Variants in DGKH observed in about 807,000 individuals in gnomAD.
DGKH encodes diacylglycerol kinase eta.
DGKH carries 90 observed loss-of-function variants against 159.3 expected under a neutral mutation model. The observed-to-expected ratio is 0.57, with a 90% confidence interval of 0.48 to 0.67. The LOEUF (loss-of-function observed/expected upper bound fraction) is 0.67. Among genes scored for constraint, DGKH ranks in the 30% least tolerant of loss-of-function variants. DGKH has a pLI of 0.00. For synonymous variants in DGKH, 536 were observed against 553.8 expected (o/e 0.97, Z 0.45); for missense variants, 1,181 against 1,506.1 (o/e 0.78, Z 3.57).
intron 7 of DGKH, 49 bp from the exon 8 acceptor site, chr13:42,165,282 G>T: frequency 2.0e-6 from 2 of 1,022,620 alleles, no homozygotes; most frequent in South Asian, 2.0e-5. Context: ...ATTTATAATG[G>T]CAGAACATTA....
chr13:42,095,156 C>CTTTTGTTTTT (rs1954498442), intron 1 of DGKH, among the ~76,000 whole-genome samples: 1 of 76,802 alleles, frequency 1.3e-5, no homozygotes, highest in Non-Finnish European at 2.3e-5. Flanking sequence ...ATGTTGACTC[C>CTTTTGTTTTT]TTTTTTTTTT....
chr13:42,069,089 A>G, intron 1 of DGKH: 1 of 1,409,250 alleles, frequency 7.1e-7, no homozygotes, highest in South Asian at 1.2e-5. Flanking sequence ...CTGCTTATTA[A>G]AGAGGAACTC....
At position 42,210,584 on chromosome 13, in the gene DGKH, A is replaced by C. The variant is rs1957628864; in HGVS notation, c.2851-18A>C. The C allele has an allele frequency of 6.2e-7, 1 of 1,608,250 alleles. No homozygotes were observed. Among genetic ancestry groups the C allele is most frequent in the East Asian group, 2.2e-5 (1 of 44,838 alleles). ...GAGTTCTAAACTAACAATTCGTTACAATATTGACTTTAAATAGGCCTTTGA... is the reference window on the plus strand; with the variant it reads ...GAGTTCTAAACTAACAATTCGTTACCATATTGACTTTAAATAGGCCTTTGA... On this transcript the variant is annotated intron_variant, in intron 23 of 29. Transcript: ENST00000337343.
At chr13:42,070,920 A>G in intron 1 of DGKH, 1 of 1,272,992 alleles carries the variant, frequency 7.9e-7, no homozygotes, top group Non-Finnish European at 1.1e-6. Context: ...CATGTTTGAC[A>G]CTCTGGGGAT....
At chr13:42,201,453 T>C (rs1957345116) in intron 20 of DGKH, among the ~76,000 whole-genome samples, 1 of 152,148 alleles carries the variant, frequency 6.6e-6, no homozygotes, top group Non-Finnish European at 1.5e-5. Context: ...TCTTTAAGGG[T>C]TGAAAAACTG....
At chr13:42,087,416 A>G (rs1278528295) in intron 1 of DGKH, among the ~76,000 whole-genome samples, 1 of 152,224 alleles carries the variant, frequency 6.6e-6, no homozygotes, top group African/African-American at 2.4e-5. Flanking sequence ...CACACATACA[A>G]AAGCTGGAAA....
chr13:42,101,308 G>A (rs1594028245), intron 1 of DGKH, among the ~76,000 whole-genome samples: 5 of 152,276 alleles, frequency 3.3e-5, no homozygotes. Context: ...GAACAATAAC[G>A]GCACCAAATG....
upstream of DGKH, among the ~76,000 whole-genome samples, chr13:42,048,501 T>G (rs73470903): frequency 0.013 from 2,048 of 152,172 alleles, 43 homozygotes; most frequent in African/African-American, 0.044. This position sits in a 1 kb window ranked among gnomAD's most constrained non-coding sequence, Gnocchi z 6.7. Flanking sequence ...CGAGGCTGGG[T>G]GCGCAGGGGT....
intron 1 of DGKH, among the ~76,000 whole-genome samples, chr13:42,104,048 T>G (rs955860217): frequency 4.6e-5 from 7 of 152,232 alleles, no homozygotes; most frequent in Admixed American, 3.9e-4. Flanking sequence ...CAGTAACAGT[T>G]CAGAGGTATG....
chr13:42,158,982 T>C (rs1015270704), intron 5 of DGKH, among the ~76,000 whole-genome samples: 4 of 152,184 alleles, frequency 2.6e-5, no homozygotes, highest in African/African-American at 9.7e-5. Context: ...GTGTGTGTTG[T>C]CTGCCTTCTC....
chr13:42,219,318 TTTA>T lies in DGKH; in HGVS notation c.3307_3309del (p.Tyr1103del). 1 of 1,613,974 alleles carries T rather than the reference TTTA, an allele frequency of 6.2e-7. No individual in the cohort carries two copies. The highest frequency in any genetic ancestry group is 8.5e-7 in the Non-Finnish European group (1 of 1,179,880). ...CAGAAACTGACAGAGATTCCTTGGCTTTATTATATCTTACACCCAAATGAGGAT... is the reference window on the plus strand; with the variant it reads ...CAGAAACTGACAGAGATTCCTTGGCTTTATATCTTACACCCAAATGAGGAT... On this transcript the variant is annotated inframe_deletion, in exon 27 of 30. Transcript: ENST00000337343.
rs913105795 is a variant in DGKH, at chr13:42,055,357, A to G, written c.192+6392A>G. ...TTCCATTTTAATGTGAACTAAATAT[A>G]GACTGGAAATTCTGACTCTCAGTAC... On this transcript the variant is annotated intron_variant, in intron 1 of 29. Transcript: ENST00000337343. Among the ~76,000 whole-genome samples the G allele has an allele frequency of 5.3e-5, 8 of 152,352 alleles. No individual in the cohort carries two copies. In the South Asian group the frequency reaches 1.7e-3, roughly 32 times the overall value.
intron 1 of DGKH, among the ~76,000 whole-genome samples, chr13:42,040,571 C>A (rs1237640941): frequency 6.6e-6 from 1 of 151,538 alleles, no homozygotes; most frequent in Non-Finnish European, 1.5e-5. Context: ...GAGCGAGGGG[C>A]GGATTCTGCG....
chr13:42,186,007 GGTGGTGTGT>G (rs1215104536), intron 13 of DGKH, among the ~76,000 whole-genome samples: 79 of 91,230 alleles, frequency 8.7e-4, no homozygotes, highest in East Asian at 2.4e-3. Flanking sequence ...TGGTGGTGGT[GGTGGTGTGT>G]GTGTGTGTGT....
chr13:42,082,067 C>T (rs761037664), intron 1 of DGKH, among the ~76,000 whole-genome samples: 3 of 152,054 alleles, frequency 2.0e-5, no homozygotes, highest in Non-Finnish European at 4.4e-5. Context: ...TATATTTAAC[C>T]TATCAGATCA....
chr13:42,095,406 C>T (rs928862882), intron 1 of DGKH, among the ~76,000 whole-genome samples: 1 of 151,766 alleles, frequency 6.6e-6, no homozygotes, highest in Admixed American at 6.6e-5. Flanking sequence ...CAAGTGATCC[C>T]CCTGCCTCAG....
chr13:42,140,968 A>G (rs1955536818), intron 3 of DGKH: 1 of 144,460 alleles, frequency 6.9e-6, no homozygotes, highest in Non-Finnish European at 1.5e-5. Flanking sequence ...TTTAGGGTAC[A>G]TGTGCACAAC....
At chr13:42,215,828 A>G (rs1238943426) in intron 26 of DGKH, among the ~76,000 whole-genome samples, 161 bp downstream of exon 26, 1 of 152,236 alleles carries the variant, frequency 6.6e-6, no homozygotes, top group East Asian at 1.9e-4. Context: ...TCAAGAAAAT[A>G]TATGGCTGAA....
intron 1 of DGKH, chr13:42,040,247 C>G (rs991233557): frequency 2.0e-5 from 3 of 152,198 alleles, no homozygotes; most frequent in Non-Finnish European, 4.4e-5. Context: ...ACGGCGAGAG[C>G]GAGAGACAGG....
Sources: gnomAD v4.1 joint callset for allele counts (sites outside exome capture counted in the v4.1 genomes callset) on GRCh38, gnomAD v4.1.1 for gene constraint, Gnocchi (gnomAD v3.1) non-coding constraint, MANE v1.5 for transcripts, NCBI Gene and HGNC (gene_info 2026-07-23, HGNC 2026-07-21) for gene names.